The following CHST11 variants were observed in gnomAD, a reference collection of about 807,000 sequenced individuals.
CHST11 encodes carbohydrate sulfotransferase 11.
Under a neutral mutation model 30.4 loss-of-function variants are expected in CHST11, and 9 were observed. The observed-to-expected ratio is 0.30, with a 90% CI of 0.18 to 0.52. The LOEUF (loss-of-function observed/expected upper bound fraction) is 0.52, where lower values mean the gene tolerates loss of function less well. Among genes scored for constraint, CHST11 ranks in the 20% least tolerant of loss-of-function variants. CHST11 has a pLI of 0.97. For synonymous variants in CHST11, 152 were observed against 187.8 expected (o/e 0.81, Z 1.56); for missense variants, 348 against 460.6 (o/e 0.76, Z 2.24).
intron 2 of CHST11, among the ~76,000 whole-genome samples, chr12:104,739,202 A>C (rs2040327513): frequency 6.6e-6 from 1 of 152,212 alleles, no homozygotes; most frequent in African/African-American, 2.4e-5. Flanking sequence ...CCCTGAACTC[A>C]TCACTTTTTG....
intron 2 of CHST11, among the ~76,000 whole-genome samples, chr12:104,605,545 GT>G (rs2038997320): frequency 6.6e-6 from 1 of 152,176 alleles, no homozygotes; most frequent in African/African-American, 2.4e-5. Context: ...CGCCACTGCA[GT>G]CCAGCCTGGG....
At position 104,601,986 on chromosome 12, in the gene CHST11, A is replaced by G. The variant is rs2038961109; in HGVS notation, c.199A>G (p.Ile67Val). The G allele has an allele frequency of 1.2e-6, 2 of 1,612,076 alleles. No homozygotes were observed. Among genetic ancestry groups the G allele is most frequent in the Non-Finnish European group, 1.7e-6 (2 of 1,179,262 alleles). ...CCCCCTGCAGGAACTCTACAACCCA[A>G]TCCAGGTAAGCTTCAAGCACTCTGT... ...RSPLQELYNPIQLELSNTAVL... is the reference protein window; with the variant it reads ...RSPLQELYNPVQLELSNTAVL... The change falls in exon 2 of 3, where the codon ATC becomes GTC. Residue 67 changes from isoleucine (I) to valine (V), a missense_variant. By Grantham distance (29) the Ile-to-Val change is conservative. Around this residue, in one of 3 missense-constraint regions of CHST11, gnomAD observed 135 missense variants for 155.8 expected, o/e 0.87. Coordinates refer to ENST00000303694, the MANE Select transcript of CHST11 (RefSeq NM_018413.6).
intron 2 of CHST11, among the ~76,000 whole-genome samples, chr12:104,721,102 G>T (rs1370105936): frequency 2.0e-5 from 3 of 152,216 alleles, no homozygotes; most frequent in African/African-American, 7.2e-5. Context: ...ACCCTGTGGT[G>T]CTGAAACCAA....
chr12:104,755,635 A>AT (rs1442529781), intron 2 of CHST11, among the ~76,000 whole-genome samples: 1 of 151,938 alleles, frequency 6.6e-6, no homozygotes, highest in African/African-American at 2.4e-5. Context: ...AAAATACAAA[A>AT]ATCAGCAGGG....
At position 104,758,401 on chromosome 12, in the gene CHST11, G is replaced by A. The variant is rs1592880369; in HGVS notation, c.*598G>A. 6.6e-6 allele frequency: 1 copy of A among 151,124 alleles called. No individual in the cohort carries two copies. Among genetic ancestry groups the A allele is most frequent in the Non-Finnish European group, 1.5e-5 (1 of 67,228 alleles). The allele number at this position is 151,124 out of a possible 1,614,324, so 9.4% of individuals were successfully genotyped here. The stretch of plus-strand genomic sequence containing the variant: ...TGAAAGTCCCTTGCACTAAAGAAAT[G>A]TGATTTTTTTTTAACCCAAGGAGAA... On this transcript the variant is annotated 3_prime_UTR_variant, in exon 3 of 3. Transcript: ENST00000303694.
At chr12:104,619,719 G>A (rs769525447) in intron 2 of CHST11, among the ~76,000 whole-genome samples, 1 of 152,172 alleles carries the variant, frequency 6.6e-6, no homozygotes, top group Non-Finnish European at 1.5e-5. Flanking sequence ...TGTTTACACC[G>A]ATCCATAGAC....
chr12:104,541,923 C>T (rs768798301), intron 1 of CHST11, among the ~76,000 whole-genome samples: 5 of 152,194 alleles, frequency 3.3e-5, no homozygotes, highest in African/African-American at 7.2e-5. Flanking sequence ...AGCGAGACTC[C>T]GTCTCAGAAA....
rs766906152 is a variant in CHST11, at chr12:104,757,400, G to T, written c.656G>T (p.Arg219Leu). The change falls in exon 3 of 3, where the codon CGC becomes CTC. Residue 219 changes from arginine to leucine, a missense_variant. Around this residue, in one of 3 missense-constraint regions of CHST11, gnomAD observed 210 missense variants for 287.2 expected, o/e 0.73. Coordinates refer to ENST00000303694, the MANE Select transcript of CHST11 (RefSeq NM_018413.6). This position sits in a 1 kb window ranked among gnomAD's most constrained non-coding sequence, Gnocchi z 6.5. ...HKRYGTKIIK[R>L]QRKNATQEAL... ...CGGTACGGCACCAAGATCATCAAAC[G>T]CCAGCGGAAGAACGCCACCCAGGAG... The T allele has an allele frequency of 3.7e-6, 6 of 1,614,092 alleles. No individual in the cohort carries two copies. The highest frequency in any genetic ancestry group is 2.5e-6 in the Non-Finnish European group (3 of 1,180,022).
chr12:104,605,046 T>A (rs2038990605), intron 2 of CHST11, among the ~76,000 whole-genome samples: 1 of 149,974 alleles, frequency 6.7e-6, no homozygotes, highest in South Asian at 2.1e-4. Context: ...CAGAGTGAAA[T>A]TCAACCCAAA....
At chr12:104,573,800 G>A (rs2038654242) in intron 1 of CHST11, among the ~76,000 whole-genome samples, 1 of 152,144 alleles carries the variant, frequency 6.6e-6, no homozygotes, top group South Asian at 2.1e-4. Flanking sequence ...ATAGGCACAG[G>A]CAAAGACTTC....
intron 1 of CHST11, among the ~76,000 whole-genome samples, chr12:104,549,106 C>T (rs770279767): frequency 1.1e-4 from 17 of 152,102 alleles, no homozygotes; most frequent in Admixed American, 2.6e-4. Context: ...AATATGATTG[C>T]GGTAAAGCGT....
At chr12:104,488,736 TAC>T (rs1491467205) in intron 1 of CHST11, among the ~76,000 whole-genome samples, 2 of 105,504 alleles carry the variant, frequency 1.9e-5, no homozygotes, top group African/African-American at 4.2e-5. Flanking sequence ...TGTGTATGTG[TAC>T]GCGTGTGTGT....
At chr12:104,574,874 A>G (rs1483690698) in intron 1 of CHST11, among the ~76,000 whole-genome samples, 1 of 151,752 alleles carries the variant, frequency 6.6e-6, no homozygotes, top group African/African-American at 2.4e-5. Flanking sequence ...AAAAGAAAAA[A>G]AGAAAGAAAA....
intron 2 of CHST11, among the ~76,000 whole-genome samples, chr12:104,685,113 G>A (rs1229026920): frequency 1.3e-5 from 2 of 152,128 alleles, no homozygotes; most frequent in African/African-American, 2.4e-5. Flanking sequence ...TGGCTATTTG[G>A]TTATCTTATC....
chr12:104,580,157 TC>T (rs1360314607), intron 1 of CHST11, among the ~76,000 whole-genome samples: 1 of 152,212 alleles, frequency 6.6e-6, no homozygotes, highest in African/African-American at 2.4e-5. Context: ...TTTGTGACTT[TC>T]CCCCTACATT....
intron 1 of CHST11, among the ~76,000 whole-genome samples, chr12:104,497,909 CTTTTTT>C (rs1205174607): frequency 7.9e-5 from 6 of 75,702 alleles, no homozygotes; most frequent in South Asian, 5.2e-4. Flanking sequence ...CCTGCCCCCT[CTTTTTT>C]TTTTTTTTTT....
chr12:104,463,928 A>G (rs2037433722), intron 1 of CHST11, among the ~76,000 whole-genome samples: 1 of 152,090 alleles, frequency 6.6e-6, no homozygotes, highest in South Asian at 2.1e-4. Context: ...GAGAGAGACA[A>G]TTGTTTTGAG....
chr12:104,615,138 G>C (rs1189093058), intron 2 of CHST11, among the ~76,000 whole-genome samples: 1 of 152,206 alleles, frequency 6.6e-6, no homozygotes, highest in Non-Finnish European at 1.5e-5. Context: ...ACCGTCCTTG[G>C]AATGTGCCAC....
chr12:104,685,994 A>G (rs1182175250), intron 2 of CHST11, among the ~76,000 whole-genome samples: 13 of 152,110 alleles, frequency 8.5e-5, no homozygotes, highest in African/African-American at 3.1e-4. Flanking sequence ...TAGGAGTTCA[A>G]AGTGGGAGGA....
Sources: allele counts gnomAD v4.1 joint callset (sites outside exome capture counted in the v4.1 genomes callset), GRCh38; gene constraint gnomAD v4.1.1; regional missense constraint gnomAD v4.1.1; non-coding constraint Gnocchi (gnomAD v3.1); transcripts MANE v1.5; gene names NCBI Gene and HGNC (gene_info 2026-07-23, HGNC 2026-07-21).